DCC: variants seen among roughly 807,000 people sequenced by gnomAD.
The protein encoded by DCC is DCC netrin 1 receptor, also known as netrin receptor DCC.
In DCC, 58 loss-of-function variants were observed where a neutral mutation model predicts 172.5. That is an observed-to-expected ratio of 0.34 (90% CI 0.27 to 0.42). The LOEUF (loss-of-function observed/expected upper bound fraction) is 0.42, where lower values mean the gene tolerates loss of function less well. Ranked by LOEUF, DCC falls within the 10% of genes least tolerant of loss-of-function variation. The pLI, the probability that DCC is intolerant of heterozygous loss-of-function variation, is 1.00. For missense variants in DCC, 1,740 were observed against 1,791.0 expected (o/e 0.97, Z 0.51); for synonymous variants, 709 against 644.5 (o/e 1.10, Z -1.52).
intron 1 of DCC, among the ~76,000 whole-genome samples, chr18:52,473,065 A>G (rs1988991977): frequency 6.6e-6 from 1 of 152,224 alleles, no homozygotes; most frequent in South Asian, 2.1e-4. Context: ...TTTGAAAAAC[A>G]CAAAGCTTGT....
intron 7 of DCC, among the ~76,000 whole-genome samples, chr18:53,101,950 T>C (rs1306276108): frequency 6.6e-6 from 1 of 152,068 alleles, no homozygotes; most frequent in African/African-American, 2.4e-5. Flanking sequence ...GAGTAGGGAA[T>C]GAAAAGGGCA....
intron 2 of DCC, among the ~76,000 whole-genome samples, chr18:52,854,748 C>T (rs965376442): frequency 3.3e-5 from 5 of 152,120 alleles, no homozygotes; most frequent in African/African-American, 4.8e-5. Flanking sequence ...ACAGAAAGCC[C>T]GCCAGCAGGG....
intron 9 of DCC, among the ~76,000 whole-genome samples, chr18:53,180,511 G>GT (rs1195773182): frequency 6.6e-6 from 1 of 151,828 alleles, no homozygotes; most frequent in Non-Finnish European, 1.5e-5. Context: ...ACAGCAGAAC[G>GT]TGAGTCCTTG....
At chr18:53,286,262 TC>T (rs2056934330) in intron 12 of DCC, among the ~76,000 whole-genome samples, 1 of 152,042 alleles carries the variant, frequency 6.6e-6, no homozygotes, top group Non-Finnish European at 1.5e-5. Flanking sequence ...CTCCCACAAT[TC>T]CCACATGTTA....
At chr18:53,136,024 AG>A (rs1469880559) in intron 7 of DCC, among the ~76,000 whole-genome samples, 1 of 152,134 alleles carries the variant, frequency 6.6e-6, no homozygotes, top group East Asian at 1.9e-4. Flanking sequence ...CATACATGTA[AG>A]TAGTCATTAT....
At chr18:52,926,916 T>TATATATATACAC (rs1555682723) in intron 5 of DCC, among the ~76,000 whole-genome samples, 1 of 136,626 alleles carries the variant, frequency 7.3e-6, no homozygotes, top group Non-Finnish European at 1.6e-5. Context: ...TATATACGTA[T>TATATATATACAC]ACATATATAT....
intron 26 of DCC, 52 bp downstream of exon 26, chr18:53,487,010 T>A: frequency 6.2e-7 from 1 of 1,610,136 alleles, no homozygotes; most frequent in East Asian, 2.2e-5. Flanking sequence ...ATAGCAAAGG[T>A]GTCTTGTAAA....
At chr18:52,699,127 A>C (rs561764903) in intron 1 of DCC, among the ~76,000 whole-genome samples, 1 of 152,320 alleles carries the variant, frequency 6.6e-6, no homozygotes, top group East Asian at 1.9e-4. Context: ...AATTACAACA[A>C]GGTATGAGCA....
intron 1 of DCC, among the ~76,000 whole-genome samples, chr18:52,420,223 A>G (rs1987201124): frequency 6.6e-6 from 1 of 152,194 alleles, no homozygotes; most frequent in Non-Finnish European, 1.5e-5. Context: ...AGTCAAGAGG[A>G]ATAGAGCAAG....
intron 5 of DCC, among the ~76,000 whole-genome samples, chr18:52,997,736 G>A (rs2041504315): frequency 6.6e-6 from 1 of 152,060 alleles, no homozygotes; most frequent in African/African-American, 2.4e-5. Flanking sequence ...CAGAACAATG[G>A]CATTTATACC....
intron 23 of DCC, among the ~76,000 whole-genome samples, chr18:53,458,009 C>T (rs917844554): frequency 1.3e-5 from 2 of 152,162 alleles, no homozygotes; most frequent in African/African-American, 4.8e-5. Context: ...AAAGCCACTC[C>T]AATGACTTTG....
intron 8 of DCC, among the ~76,000 whole-genome samples, chr18:53,165,342 C>T (rs2054901052): frequency 6.6e-6 from 1 of 152,156 alleles, no homozygotes; most frequent in Non-Finnish European, 1.5e-5. Context: ...CTTTTTCTGA[C>T]TGACATGGAG....
At chr18:52,694,048 A>T (rs1335214130) in intron 1 of DCC, among the ~76,000 whole-genome samples, 3 of 152,150 alleles carry the variant, frequency 2.0e-5, no homozygotes, top group African/African-American at 7.2e-5. Context: ...ATCAGTGATC[A>T]AGGTTAACAT....
At chr18:52,965,945 A>G (rs1414961210) in intron 5 of DCC, among the ~76,000 whole-genome samples, 1 of 152,148 alleles carries the variant, frequency 6.6e-6, no homozygotes, top group South Asian at 2.1e-4. Flanking sequence ...GAGCCAGGAA[A>G]CATTTTCTCA....
intron 1 of DCC, among the ~76,000 whole-genome samples, chr18:52,529,745 A>G (rs932966814): frequency 3.9e-5 from 6 of 152,220 alleles, no homozygotes; most frequent in Admixed American, 6.5e-5. Context: ...CCTTGATCAT[A>G]TAAGTCCTGC....
chr18:52,857,018 T>A (rs2039066710), intron 2 of DCC, among the ~76,000 whole-genome samples: 1 of 152,224 alleles, frequency 6.6e-6, no homozygotes, highest in African/African-American at 2.4e-5. Context: ...TATAAGCAGA[T>A]CCACATTCTC....
chr18:52,916,708 T>G (rs2040046354), intron 3 of DCC, among the ~76,000 whole-genome samples: 1 of 152,112 alleles, frequency 6.6e-6, no homozygotes, highest in African/African-American at 2.4e-5. Context: ...CTTATTGAGT[T>G]TTGCTGAAGT....
At chr18:53,366,668 A>G (rs1465348371) in intron 15 of DCC, among the ~76,000 whole-genome samples, 1 of 152,170 alleles carries the variant, frequency 6.6e-6, no homozygotes, top group African/African-American at 2.4e-5. Context: ...AAAAGCAATT[A>G]CTTTAATAAT....
intron 1 of DCC, among the ~76,000 whole-genome samples, chr18:52,663,206 T>C (rs1199666323): frequency 6.6e-6 from 1 of 152,178 alleles, no homozygotes; most frequent in Non-Finnish European, 1.5e-5. Context: ...CAACATTAAG[T>C]TTTCAATAAT....
Sources: allele counts gnomAD v4.1 joint callset (sites outside exome capture counted in the v4.1 genomes callset), GRCh38; gene constraint gnomAD v4.1.1; transcripts MANE v1.5; gene names NCBI Gene and HGNC (gene_info 2026-07-23, HGNC 2026-07-21).